SORL1: variants seen among roughly 807,000 people sequenced by gnomAD.
SORL1 encodes sortilin-related receptor.
Under a neutral mutation model 273.7 loss-of-function variants are expected in SORL1, and 127 were observed. The observed-to-expected ratio is 0.46, with a 90% CI of 0.40 to 0.54. The LOEUF (loss-of-function observed/expected upper bound fraction) is 0.54. Ranked by LOEUF, SORL1 falls within the 20% of genes least tolerant of loss-of-function variation. SORL1 has a pLI of 0.00. For missense variants in SORL1, 2,494 were observed against 2,846.1 expected, an observed-to-expected ratio of 0.88 and a Z score of 2.81; for synonymous variants, 1,031 against 1,067.4, an observed-to-expected ratio of 0.97 and a Z score of 0.66.
At chr11:121,490,168 C>T in intron 5 of SORL1, 58 bp downstream of exon 5, 1 of 1,233,024 alleles carries the variant, frequency 8.1e-7, no homozygotes, top group Non-Finnish European at 1.2e-6. Flanking sequence ...CCAGTTCTAG[C>T]TCCTTCTTGG....
intron 25 of SORL1, 150 bp downstream of exon 25, chr11:121,577,550 T>C: frequency 1.2e-6 from 1 of 848,966 alleles, no homozygotes; most frequent in Admixed American, 3.2e-5. Context: ...AGCTGGTCTT[T>C]GATGAGATAA....
rs566308409 is a variant in SORL1 at position 121,595,999 on chromosome 11, G to A, written c.4519+227G>A. ...TGACTGCGTTTTAAATACCAGGAGCGTGTCCAATAAAAATACTTTCTGAAT... is the reference window on the plus strand; with the variant it reads ...TGACTGCGTTTTAAATACCAGGAGCATGTCCAATAAAAATACTTTCTGAAT... On this transcript the variant is annotated intron_variant, in intron 32 of 47. Coordinates refer to ENST00000260197, the MANE Select transcript of SORL1 (RefSeq NM_003105.6). The surrounding 1 kb of genome is among the most constrained non-coding windows in gnomAD (Gnocchi z 5.1). Among the ~76,000 whole-genome samples, 7 of 152,276 alleles carry A rather than the reference G, an allele frequency of 4.6e-5. No individual in the cohort carries two copies. The highest frequency in any genetic ancestry group is 1.4e-4 in the African/African-American group (6 of 41,538).
rs1219711635 is a variant in SORL1, at chr11:121,477,992, A to ATG, written c.403-125_403-124dup. 3 of 1,046,796 alleles carry ATG rather than the reference A, an allele frequency of 2.9e-6. No individual in the cohort carries two copies. In the African/African-American group the frequency reaches 4.9e-5, roughly 17 times the overall value. The allele number at this position is 1,046,796 out of a possible 1,614,324, so 64.8% of individuals were successfully genotyped here. ...GGTTGCAGTGAGCTGAGATCGCACC[A>ATG]TGGCACTGCAGCCCGGGCAAAAAGA... On this transcript the variant is annotated intron_variant, in intron 2 of 47. Transcript: ENST00000260197.
chr11:121,517,753 G>A (rs1036603261), intron 8 of SORL1, among the ~76,000 whole-genome samples: 3 of 152,134 alleles, frequency 2.0e-5, no homozygotes, highest in African/African-American at 4.8e-5. Context: ...ATAGGCCAAC[G>A]TCCCACTCAG....
At position 121,584,271 on chromosome 11, in the gene SORL1, G is replaced by A. The variant is rs369902106; in HGVS notation, c.3706+688G>A. On this transcript the variant is annotated intron_variant, in intron 26 of 47. Transcript: ENST00000260197. ...TCAAATGTGTCTCTACCAGTAAAAC[G>A]TTGCATGTTTCCCCAAGTCTCCTTG... is the stretch of plus-strand genomic sequence containing the variant. Among the ~76,000 whole-genome samples, 25 of 152,286 alleles carry A rather than the reference G, an allele frequency of 1.6e-4. No homozygotes were observed. The East Asian group carries it at 2.7e-3, about 16-fold the overall frequency.
intron 38 of SORL1, 117 bp from the exon 39 acceptor site, chr11:121,610,959 T>G: frequency 1.4e-6 from 1 of 697,630 alleles, no homozygotes; most frequent in Non-Finnish European, 2.5e-6. Context: ...GCCAAAGAAA[T>G]ACCCTTTCTT....
At chr11:121,497,169 TTGAC>T (rs1431952622) in intron 6 of SORL1, 120 bp downstream of exon 6, 6 of 818,370 alleles carry the variant, frequency 7.3e-6, no homozygotes, top group African/African-American at 5.2e-5. Flanking sequence ...TTGGGACAGA[TTGAC>T]TGAAGGGATC....
chr11:121,592,664 T>G (rs1437081512), intron 31 of SORL1, among the ~76,000 whole-genome samples: 1 of 152,280 alleles, frequency 6.6e-6, no homozygotes, highest in African/African-American at 2.4e-5. Context: ...GGAATCATGC[T>G]GTCTACTACT....
chr11:121,524,426 A>G (rs1239998329), intron 11 of SORL1, among the ~76,000 whole-genome samples: 2 of 152,250 alleles, frequency 1.3e-5, no homozygotes, highest in East Asian at 1.9e-4. Context: ...TGTCCCTGCC[A>G]AGAAGCAACC....
rs1193278233 is a variant in SORL1 at position 121,554,903 on chromosome 11, AT to A, written c.2440-282del. The A allele has an allele frequency of 5.3e-6, 1 of 187,548 alleles. No homozygotes were observed. Among genetic ancestry groups the A allele is most frequent in the African/African-American group, 2.3e-5 (1 of 42,624 alleles). The allele number at this position is 187,548 out of a possible 1,614,324, so 11.6% of individuals were successfully genotyped here. A position where few individuals can be genotyped will look rare whatever the true frequency, so the allele number is the denominator to read the frequency against. On this transcript the variant is annotated intron_variant, in intron 17 of 47. Transcript: ENST00000260197. The surrounding 1 kb of genome is among the most constrained non-coding windows in gnomAD (Gnocchi z 4.6). ...AATCTCAGTAATCTCTGACTTTATT[AT>A]TGCCATACAGCATAATTTAGTAACC...
At chr11:121,489,262 C>G (rs867754802) in intron 4 of SORL1, among the ~76,000 whole-genome samples, 1 of 152,136 alleles carries the variant, frequency 6.6e-6, no homozygotes, top group Non-Finnish European at 1.5e-5. Flanking sequence ...TGTTTTGACC[C>G]TTTTAAGCAT....
At chr11:121,607,629 C>T (rs1863498821) in intron 37 of SORL1, among the ~76,000 whole-genome samples, 2 of 152,180 alleles carry the variant, frequency 1.3e-5, no homozygotes, top group Admixed American at 1.3e-4. Flanking sequence ...TGATGCAGAG[C>T]TATGATAAGT....
chr11:121,460,363 G>A (rs1429332680), intron 1 of SORL1, among the ~76,000 whole-genome samples: 4 of 151,256 alleles, frequency 2.6e-5, no homozygotes, highest in Non-Finnish European at 5.9e-5. Context: ...ACTTTGGGGG[G>A]CTGGTGAGCT....
intron 32 of SORL1, among the ~76,000 whole-genome samples, chr11:121,602,021 C>T (rs1863400334): frequency 6.6e-6 from 1 of 152,196 alleles, no homozygotes; most frequent in Admixed American, 6.5e-5. Flanking sequence ...ATCTGTTTTA[C>T]ATATCCCCAT....
intron 1 of SORL1, among the ~76,000 whole-genome samples, chr11:121,468,733 T>G (rs1379890601): frequency 6.6e-6 from 1 of 152,156 alleles, no homozygotes; most frequent in Non-Finnish European, 1.5e-5. Flanking sequence ...CTCTCAGAAT[T>G]TTTGTTATTC....
At chr11:121,597,462 T>G (rs1240104626) in intron 32 of SORL1, among the ~76,000 whole-genome samples, 1 of 151,858 alleles carries the variant, frequency 6.6e-6, no homozygotes, top group Admixed American at 6.6e-5. Context: ...GTTTGTTTTT[T>G]TTTTTTTTCT....
At chr11:121,480,599 C>T (rs905531414) in intron 3 of SORL1, among the ~76,000 whole-genome samples, 1 of 151,436 alleles carries the variant, frequency 6.6e-6, no homozygotes, top group Non-Finnish European at 1.5e-5. Flanking sequence ...GCTCCATCTC[C>T]TCCTCCCCAG....
intron 6 of SORL1, among the ~76,000 whole-genome samples, chr11:121,499,650 A>G (rs1049609475): frequency 2.0e-5 from 3 of 152,232 alleles, no homozygotes; most frequent in African/African-American, 7.2e-5. Context: ...TTTTTATTAC[A>G]TCAGACTGCT....
intron 27 of SORL1, among the ~76,000 whole-genome samples, 161 bp downstream of exon 27, chr11:121,586,490 G>A (rs186595607): frequency 5.3e-5 from 8 of 152,254 alleles, no homozygotes; most frequent in Non-Finnish European, 8.8e-5. Flanking sequence ...GAGGCTGATC[G>A]TGGCAGAGAG....
Sources: gnomAD v4.1 joint callset for allele counts (sites outside exome capture counted in the v4.1 genomes callset) on GRCh38, gnomAD v4.1.1 for gene constraint, Gnocchi (gnomAD v3.1) non-coding constraint, MANE v1.5 for transcripts, NCBI Gene and HGNC (gene_info 2026-07-23, HGNC 2026-07-21) for gene names.